NEO1: variants seen among roughly 807,000 people sequenced by gnomAD.
NEO1 encodes the protein neogenin 1.
A neutral mutation model predicts 159.7 loss-of-function variants in NEO1; 63 were observed. That is an observed-to-expected ratio of 0.39 (90% CI 0.32 to 0.49). The LOEUF is 0.49. NEO1 is among the 20% of genes least tolerant of loss of function. The pLI is 0.85. For missense variants in NEO1, 1,615 were observed against 1,831.0 expected, an observed-to-expected ratio of 0.88 and a Z score of 2.15; for synonymous variants, 633 against 662.0, an observed-to-expected ratio of 0.96 and a Z score of 0.67.
intron 5 of NEO1, among the ~76,000 whole-genome samples, chr15:73,163,256 A>C (rs571195270): frequency 2.8e-4 from 43 of 152,240 alleles, no homozygotes; most frequent in Non-Finnish European, 6.0e-4. Context: ...TCATTCTAAT[A>C]GTTTTTCAGC....
chr15:73,190,338 T>C (rs1444790631), intron 7 of NEO1, among the ~76,000 whole-genome samples: 1 of 152,112 alleles, frequency 6.6e-6, no homozygotes, highest in Non-Finnish European at 1.5e-5. Flanking sequence ...AATTGCCAAA[T>C]TTTAGTTCTA....
intron 16 of NEO1, among the ~76,000 whole-genome samples, chr15:73,266,910 AT>A (rs2151018028): frequency 6.6e-6 from 1 of 152,210 alleles, no homozygotes; most frequent in African/African-American, 2.4e-5. Flanking sequence ...TCAGTTATAC[AT>A]TTATTACAAA....
At chr15:73,288,179 A>C in intron 23 of NEO1, 134 bp from the exon 24 acceptor site, 2 of 699,258 alleles carry the variant, frequency 2.9e-6, no homozygotes, top group East Asian at 2.5e-5. Context: ...TGTTGGGGGC[A>C]GGAGGTATGT....
intron 1 of NEO1, among the ~76,000 whole-genome samples, chr15:73,079,108 A>G (rs1375448948): frequency 6.6e-6 from 1 of 152,194 alleles, no homozygotes; most frequent in Admixed American, 6.5e-5. Context: ...TGTGTATGGC[A>G]AAGAGAATGC....
chr15:73,159,263 C>G (rs1044302191), intron 5 of NEO1, among the ~76,000 whole-genome samples: 1 of 152,150 alleles, frequency 6.6e-6, no homozygotes, highest in African/African-American at 2.4e-5. Flanking sequence ...ACCTTATACA[C>G]GTATGTGTTG....
intron 1 of NEO1, among the ~76,000 whole-genome samples, chr15:73,094,060 A>G (rs188931640): frequency 6.6e-5 from 10 of 152,256 alleles, no homozygotes; most frequent in Admixed American, 1.3e-4. Context: ...GGTTCCTTCT[A>G]TAACTATTTT....
At chr15:73,086,595 C>T (rs1402733002) in intron 1 of NEO1, among the ~76,000 whole-genome samples, 1 of 138,766 alleles carries the variant, frequency 7.2e-6, no homozygotes, top group East Asian at 2.1e-4. Flanking sequence ...GAGTCTCACT[C>T]TGTCACCCAG....
intron 27 of NEO1, 94 bp from the exon 28 acceptor site, chr15:73,301,227 T>A: frequency 6.5e-7 from 1 of 1,527,132 alleles, no homozygotes; most frequent in Non-Finnish European, 8.9e-7. Context: ...TGTATGTCTC[T>A]CTCACCCCGA....
At position 73,236,341 on chromosome 15, in the gene NEO1, A is replaced by G. The variant is rs752900316; in HGVS notation, c.1292-6A>G. 229 of 1,613,986 alleles carry G rather than the reference A, an allele frequency of 1.4e-4. No individual in the cohort carries two copies. Among genetic ancestry groups the G allele is most frequent in the Non-Finnish European group, 1.8e-4 (211 of 1,180,018 alleles). On this transcript the variant is annotated splice_polypyrimidine_tract_variant and splice_region_variant and intron_variant, in intron 7 of 28. Transcript: ENST00000261908. ...TCACTGACCAGTGCCACTACTGACC[A>G]TCTAGCACCAGCCACAACGGGACCA...
chr15:73,171,282 G>T (rs2034949052), intron 5 of NEO1, among the ~76,000 whole-genome samples: 1 of 152,146 alleles, frequency 6.6e-6, no homozygotes, highest in Admixed American at 6.5e-5. Flanking sequence ...GAACATAGAG[G>T]CCAGGCGTAG....
chr15:73,166,792 G>A (rs932731371), intron 5 of NEO1, among the ~76,000 whole-genome samples: 30 of 152,242 alleles, frequency 2.0e-4, no homozygotes, highest in Admixed American at 1.3e-3. Context: ...AAGATATTCA[G>A]TCCTCAGTTC....
chr15:73,070,603 A>G (rs1438516015), intron 1 of NEO1, among the ~76,000 whole-genome samples: 2 of 152,234 alleles, frequency 1.3e-5, no homozygotes, highest in African/African-American at 4.8e-5. Context: ...TGGGAGATAC[A>G]TTCCAAGATC....
At chr15:73,087,392 T>C (rs1253485209) in intron 1 of NEO1, among the ~76,000 whole-genome samples, 1 of 152,212 alleles carries the variant, frequency 6.6e-6, no homozygotes, top group Non-Finnish European at 1.5e-5. Flanking sequence ...TATATGTAAC[T>C]GGATTTGATT....
intron 7 of NEO1, among the ~76,000 whole-genome samples, chr15:73,215,057 T>A (rs1040860353): frequency 3.3e-5 from 5 of 152,098 alleles, no homozygotes; most frequent in African/African-American, 1.2e-4. Flanking sequence ...AGGGGTTGAG[T>A]TCTTGATTTG....
At chr15:73,199,872 A>C (rs891655360) in intron 7 of NEO1, among the ~76,000 whole-genome samples, 1 of 152,132 alleles carries the variant, frequency 6.6e-6, no homozygotes, top group Admixed American at 6.5e-5. Flanking sequence ...CTTCCGTGGC[A>C]AAAGGGGGAC....
chr15:73,083,295 C>T (rs2069169644), intron 1 of NEO1, among the ~76,000 whole-genome samples: 1 of 151,770 alleles, frequency 6.6e-6, no homozygotes, highest in Non-Finnish European at 1.5e-5. Context: ...TGAGAGGCTG[C>T]CATATTTCAA....
At chr15:73,107,180 A>G (rs1266515161) in intron 1 of NEO1, among the ~76,000 whole-genome samples, 1 of 152,178 alleles carries the variant, frequency 6.6e-6, no homozygotes, top group Non-Finnish European at 1.5e-5. Flanking sequence ...GATTTTTTAA[A>G]CCCACAAAAG....
intron 15 of NEO1, among the ~76,000 whole-genome samples, chr15:73,263,149 T>C (rs1012546125): frequency 6.6e-6 from 1 of 151,918 alleles, no homozygotes; most frequent in Admixed American, 6.6e-5. Flanking sequence ...TACAGTTAAA[T>C]GGATACATTT....
chr15:73,185,820 A>G (rs540941051), intron 7 of NEO1, among the ~76,000 whole-genome samples: 3 of 152,330 alleles, frequency 2.0e-5, no homozygotes, highest in South Asian at 2.1e-4. Context: ...AGATGGGACA[A>G]TATCAGAGGC....
Sources: gnomAD v4.1 joint callset for allele counts (sites outside exome capture counted in the v4.1 genomes callset) on GRCh38, gnomAD v4.1.1 for gene constraint, MANE v1.5 for transcripts, NCBI Gene and HGNC (gene_info 2026-07-23, HGNC 2026-07-21) for gene names.